Variants in UGT1A8 observed in about 807,000 individuals in gnomAD.
The protein encoded by UGT1A8 is UDP glucuronosyltransferase family 1 member A8.
UGT1A8 carries 39 observed loss-of-function variants against 45.3 expected under a neutral mutation model. The observed-to-expected ratio is 0.86, with a 90% CI of 0.67 to 1.12. The LOEUF is 1.12. Ranked by LOEUF, UGT1A8 falls within the 50% of genes most tolerant of loss-of-function variation. The probability of loss-of-function intolerance (pLI) is 0.00; values close to 1 mark genes in which losing one functional copy is unlikely to be tolerated. For synonymous variants in UGT1A8, 275 were observed against 249.2 expected, an observed-to-expected ratio of 1.10 and a Z score of -0.97; for missense variants, 719 against 664.9, an observed-to-expected ratio of 1.08 and a Z score of -0.90.
intron 1 of UGT1A8, among the ~76,000 whole-genome samples, chr2:233,655,128 T>TAAAGAAAG (rs912388758): frequency 2.0e-5 from 3 of 151,826 alleles, no homozygotes; most frequent in African/African-American, 7.3e-5. Flanking sequence ...AACAGAATAC[T>TAAAGAAAG]AAAGAAAGAA....
intron 1 of UGT1A8, among the ~76,000 whole-genome samples, chr2:233,659,622 G>A (rs1321709683): frequency 5.9e-5 from 9 of 152,164 alleles, no homozygotes; most frequent in Admixed American, 4.6e-4. Flanking sequence ...GGAAGAGGTG[G>A]AGGAGGTGGA....
At chr2:233,647,190 C>T (rs886935028) in intron 1 of UGT1A8, among the ~76,000 whole-genome samples, 22 of 152,308 alleles carry the variant, frequency 1.4e-4, no homozygotes, top group African/African-American at 4.3e-4. Context: ...AATTATCTCC[C>T]TCCAGGTTCC....
At chr2:233,691,463 C>T (rs1253004006) in intron 1 of UGT1A8, 30 of 985,668 alleles carry the variant, frequency 3.0e-5, no homozygotes, top group Non-Finnish European at 3.6e-5. Flanking sequence ...GGCCCCAGAA[C>T]ACCTCCGGTG....
intron 1 of UGT1A8, chr2:233,692,877 T>C: frequency 6.7e-7 from 1 of 1,497,084 alleles, no homozygotes; most frequent in Non-Finnish European, 8.9e-7. Context: ...AAGGGTAAAA[T>C]TCAGAGCAAG....
chr2:233,681,400 A>G (rs774539433), intron 1 of UGT1A8, among the ~76,000 whole-genome samples: 2 of 151,694 alleles, frequency 1.3e-5, no homozygotes, highest in Non-Finnish European at 2.9e-5. Context: ...TGGGCATGGC[A>G]GCGTGCGCCT....
rs200710764 is a variant in UGT1A8, at chr2:233,747,984, C to T, written c.856-19050C>T. ...CAGCCATGCATCTGTGTGGCTGTTC[C>T]GAGGGGACTTTGTGATGGATTACCC... On this transcript the variant is annotated intron_variant, in intron 1 of 4. Transcript: ENST00000373450. 917 of 1,613,424 alleles carry T rather than the reference C, an allele frequency of 5.7e-4. 5 individuals carry two copies. The highest frequency in any genetic ancestry group is 6.2e-4 in the Non-Finnish European group (735 of 1,179,898).
chr2:233,679,702 T>C (rs2074460020), intron 1 of UGT1A8, among the ~76,000 whole-genome samples: 1 of 152,196 alleles, frequency 6.6e-6, no homozygotes, highest in South Asian at 2.1e-4. Context: ...CTGGTTCTCC[T>C]GTTATCTGGA....
chr2:233,713,711 G>T (rs1407251042), intron 1 of UGT1A8: 1 of 1,613,928 alleles, frequency 6.2e-7, no homozygotes, highest in East Asian at 2.2e-5. Context: ...AGCTTTTTCA[G>T]AGAGAGGTGT....
In UGT1A8 at chr2:233,759,136, T is replaced by C. The variant is rs1257027587; in HGVS notation, c.856-7898T>C. 2.6e-5 allele frequency among the ~76,000 whole-genome samples: 4 copies of C among 152,326 alleles called. No individual in the cohort carries two copies. In the East Asian group the frequency reaches 7.7e-4, roughly 29 times the overall value. ...GGGAGTTACAGCCTCTGGTACGCAA[T>C]GAAGGTGAGTTCCACAGAACACAAG... On this transcript the variant is annotated intron_variant, in intron 1 of 4. Transcript: ENST00000373450.
chr2:233,623,423 C>G (rs1209308676), intron 1 of UGT1A8, among the ~76,000 whole-genome samples: 1 of 152,046 alleles, frequency 6.6e-6, no homozygotes, highest in Admixed American at 6.5e-5. Flanking sequence ...TTGTAGTTCT[C>G]CTTGAAGAGG....
In UGT1A8 at chr2:233,772,443, T is replaced by A; in HGVS notation, c.1477T>A (p.Leu493Met). 6.2e-7 allele frequency: 1 copy of A among 1,614,238 alleles called. No homozygotes were observed. The highest frequency in any genetic ancestry group is 8.5e-7 in the Non-Finnish European group (1 of 1,180,046). ...YHSLDVIGFLLAVVLTVAFIT... is the reference protein window; with the variant it reads ...YHSLDVIGFLMAVVLTVAFIT... ...TTCCTTGGACGTGATTGGTTTCCTCTTGGCCGTCGTGCTGACAGTGGCCTT... is the reference window on the plus strand; with the variant it reads ...TTCCTTGGACGTGATTGGTTTCCTCATGGCCGTCGTGCTGACAGTGGCCTT... Residue 493 changes from leucine (L) to methionine (M), a missense_variant, in exon 5 of 5, where the codon TTG becomes ATG. Coordinates refer to ENST00000373450, the MANE Select transcript of UGT1A8 (RefSeq NM_019076.5).
chr2:233,646,509 C>G (rs1292871728), intron 1 of UGT1A8, among the ~76,000 whole-genome samples: 1 of 152,152 alleles, frequency 6.6e-6, no homozygotes, highest in Non-Finnish European at 1.5e-5. Context: ...CCCAAATCAC[C>G]TCTTGAATGC....
rs369438073 is a variant in UGT1A8 at position 233,629,554 on chromosome 2, C to T, written c.855+10992C>T. On this transcript the variant is annotated intron_variant, in intron 1 of 4. Coordinates refer to ENST00000373450, the MANE Select transcript of UGT1A8 (RefSeq NM_019076.5). The stretch of plus-strand genomic sequence containing the variant: ...GCCAATATTTTGTTTAAAATTTTTG[C>T]ATCTAAGCTCATGAGGGTCTGTAAT... 5.2e-4 allele frequency among the ~76,000 whole-genome samples: 79 copies of T among 152,168 alleles called. No individual in the cohort carries two copies. The South Asian group carries it at 0.016, about 31-fold the overall frequency.
At chr2:233,767,789 A>T (rs1699484858) in intron 2 of UGT1A8, 60 bp from the exon 3 acceptor site, 5 of 1,613,778 alleles carry the variant, frequency 3.1e-6, no homozygotes, top group Non-Finnish European at 4.2e-6. Context: ...AGTATAGCAG[A>T]TTTGTTTTCT....
intron 1 of UGT1A8, among the ~76,000 whole-genome samples, chr2:233,623,105 ACGATG>A (rs1168828652): frequency 5.3e-5 from 8 of 152,210 alleles, no homozygotes; most frequent in South Asian, 2.1e-4. Flanking sequence ...GGGTACCAAT[ACGATG>A]CTGTTTTGGT....
chr2:233,704,960 A>G (rs940075749), intron 1 of UGT1A8, among the ~76,000 whole-genome samples: 1 of 152,052 alleles, frequency 6.6e-6, no homozygotes, highest in Admixed American at 6.6e-5. Flanking sequence ...ACATGGTGAA[A>G]CCCCATCTCT....
intron 1 of UGT1A8, among the ~76,000 whole-genome samples, chr2:233,700,439 G>T (rs2075564242): frequency 6.6e-6 from 1 of 152,158 alleles, no homozygotes; most frequent in African/African-American, 2.4e-5. Context: ...CTAAAGAGTA[G>T]CTGAATGCTA....
At chr2:233,693,048 T>C in intron 1 of UGT1A8, 1 of 1,614,120 alleles carries the variant, frequency 6.2e-7, no homozygotes, top group Non-Finnish European at 8.5e-7. Context: ...TCTGCAGGGG[T>C]TTTCTTCTTA....
At position 233,747,809 on chromosome 2, in the gene UGT1A8, G is replaced by T. The variant is rs955692001; in HGVS notation, c.856-19225G>T. 2.4e-5 allele frequency: 38 copies of T among 1,613,216 alleles called. No homozygotes were observed. In the Admixed American group the frequency reaches 6.2e-4, roughly 26 times the overall value. ...CCTCCTATATTCCTAAGTTACTAAC[G>T]ACCAATTCAGACCACATGACATTCC... On this transcript the variant is annotated intron_variant, in intron 1 of 4. Coordinates refer to ENST00000373450, the MANE Select transcript of UGT1A8 (RefSeq NM_019076.5).
Sources: gnomAD v4.1 joint callset for allele counts (sites outside exome capture counted in the v4.1 genomes callset) on GRCh38, gnomAD v4.1.1 for gene constraint, MANE v1.5 for transcripts, NCBI Gene and HGNC (gene_info 2026-07-23, HGNC 2026-07-21) for gene names.